The following TRA2A variants were observed in gnomAD, a reference collection of about 807,000 sequenced individuals.
TRA2A encodes transformer 2 alpha homolog.
Under a neutral mutation model 45.7 loss-of-function variants are expected in TRA2A, and 31 were observed. That is an observed-to-expected ratio of 0.68 (90% CI 0.51 to 0.92). The LOEUF (loss-of-function observed/expected upper bound fraction) is 0.92, where lower values mean the gene tolerates loss of function less well. Among genes scored for constraint, TRA2A ranks in the 40% least tolerant of loss-of-function variants. The pLI is 0.00. For missense variants in TRA2A, 304 were observed against 367.5 expected, an observed-to-expected ratio of 0.83 and a Z score of 1.41; for synonymous variants, 132 against 126.2, an observed-to-expected ratio of 1.05 and a Z score of -0.31.
At chr7:23,513,817 A>G (rs1036260411) in intron 3 of TRA2A, among the ~76,000 whole-genome samples, 1 of 152,112 alleles carries the variant, frequency 6.6e-6, no homozygotes, top group African/African-American at 2.4e-5. Flanking sequence ...GGGACTTCAC[A>G]TTCTGATTTG....
intron 4 of TRA2A, among the ~76,000 whole-genome samples, 173 bp downstream of exon 4, chr7:23,512,721 G>C (rs1242651979): frequency 6.6e-6 from 1 of 150,646 alleles, no homozygotes; most frequent in Non-Finnish European, 1.5e-5. Context: ...GCCTCCCAAA[G>C]TGCTGGGATT....
chr7:23,526,101 T>G (rs1341766332), intron 1 of TRA2A, among the ~76,000 whole-genome samples: 1 of 152,204 alleles, frequency 6.6e-6, no homozygotes. Context: ...TGTACTATTC[T>G]TTTAATCAGG....
chr7:23,505,164 TAA>T lies in TRA2A; in HGVS notation c.*393_*394del, dbSNP rs908839267. 1.3e-4 allele frequency: 20 copies of T among 159,980 alleles called. No homozygotes were observed. Among genetic ancestry groups the T allele is most frequent in the South Asian group, 2.2e-4 (1 of 4,628 alleles). 9.9% of individuals were successfully genotyped at this position (159,980 alleles called of 1,614,324 possible). Reference sequence around the variant, plus strand: ...TGTGTTACTTTCCCAAAAATAAAGTTAAAAAAAAAAAGGAACTCATGATAAAT... The same window carrying T: ...TGTGTTACTTTCCCAAAAATAAAGTTAAAAAAAAAGGAACTCATGATAAAT... On this transcript the variant is annotated 3_prime_UTR_variant, in exon 8 of 8. Transcript: ENST00000297071.
chr7:23,517,477 C>CAAAAAAAAAAAAAAAAAAAAAA (rs70954385), intron 2 of TRA2A, among the ~76,000 whole-genome samples: 4 of 13,932 alleles, frequency 2.9e-4, no homozygotes, highest in Non-Finnish European at 5.4e-4. Flanking sequence ...GACTACGTCT[C>CAAAAAAAAAAAAAAAAAAAAAA]AAAAAAAAAA....
In TRA2A at chr7:23,505,270, TTATC is replaced by T. The variant is rs1241351519; in HGVS notation, c.*285_*288del. The T allele has an allele frequency of 4.8e-5, 16 of 336,120 alleles. No individual in the cohort carries two copies. The highest frequency in any genetic ancestry group is 1.4e-4 in the South Asian group (1 of 7,270). 20.8% of individuals were successfully genotyped at this position (336,120 alleles called of 1,614,324 possible). A position where few individuals can be genotyped will look rare whatever the true frequency, so the allele number is the denominator to read the frequency against. ...TTTCCTTATTTGATTAGCTAGAAGT[TTATC>T]TAGGTAAAAGCAAAAAAAAAAATTT... On this transcript the variant is annotated 3_prime_UTR_variant, in exon 8 of 8. Coordinates refer to ENST00000297071, the MANE Select transcript of TRA2A (RefSeq NM_013293.5).
In TRA2A at chr7:23,512,993, A is replaced by T; in HGVS notation, c.426T>A (p.Tyr142Ter). The T allele has an allele frequency of 6.2e-7, 1 of 1,613,970 alleles. No homozygotes were observed. Among genetic ancestry groups the T allele is most frequent in the Non-Finnish European group, 8.5e-7 (1 of 1,179,852 alleles). ...ERDLREVFSR[Y>*]GPLSGVNVVY... is the part of the protein sequence containing the mutation. ...CCACATTGACACCACTCAATGGTCC[A>T]TATCGAGAAAATACTTCACGAAGAT... Residue 142 changes from tyrosine to a stop codon, truncating the protein, a stop_gained, in exon 4 of 8, where the codon TAT (tyrosine) becomes TAA (stop). Transcript: ENST00000297071. LOFTEE classifies it high-confidence loss of function.
chr7:23,524,356 G>C (rs1374281216), intron 1 of TRA2A, among the ~76,000 whole-genome samples: 1 of 151,972 alleles, frequency 6.6e-6, no homozygotes, highest in South Asian at 2.1e-4. Flanking sequence ...GCTAATTTTT[G>C]TATTTTTAAT....
At chr7:23,516,197 A>C (rs1789862504) in intron 3 of TRA2A, among the ~76,000 whole-genome samples, 166 bp downstream of exon 3, 1 of 152,212 alleles carries the variant, frequency 6.6e-6, no homozygotes, top group South Asian at 2.1e-4. Flanking sequence ...TAAGCTTACG[A>C]AAGATGGTGG....
chr7:23,516,319 T>A (rs752670487), intron 3 of TRA2A, 44 bp downstream of exon 3: 23 of 1,606,890 alleles, frequency 1.4e-5, no homozygotes, highest in Non-Finnish European at 1.8e-5. Context: ...ACTAAACACA[T>A]AAAAGAGAAA....
chr7:23,531,253 C>T (rs1401768216), intron 1 of TRA2A: 15 of 987,326 alleles, frequency 1.5e-5, no homozygotes, highest in Non-Finnish European at 1.8e-5. Context: ...CCGGTTCCAA[C>T]AGAGACGCGG....
intron 3 of TRA2A, among the ~76,000 whole-genome samples, chr7:23,515,717 T>C (rs1562792660): frequency 6.6e-6 from 1 of 151,696 alleles, no homozygotes; most frequent in Admixed American, 6.6e-5. Context: ...GGCTAATTTT[T>C]GTATTTTTAG....
At chr7:23,512,051 A>G (rs1789648273) in intron 4 of TRA2A, among the ~76,000 whole-genome samples, 1 of 152,224 alleles carries the variant, frequency 6.6e-6, no homozygotes, top group South Asian at 2.1e-4. Context: ...TTACACATAT[A>G]CTTTTTCCAT....
In TRA2A at chr7:23,504,999, TTTTTAAG is replaced by T. The variant is rs1789248436; in HGVS notation, c.*553_*559del. ...AACAACAAAAAAAATCACACTTTAG[TTTTTAAG>T]TTTTAACAGATGTATTTCAAATACA... On this transcript the variant is annotated 3_prime_UTR_variant, in exon 8 of 8. Coordinates refer to ENST00000297071, the MANE Select transcript of TRA2A (RefSeq NM_013293.5). 1 of 152,528 alleles carries T rather than the reference TTTTTAAG, an allele frequency of 6.6e-6. No individual in the cohort carries two copies. The highest frequency in any genetic ancestry group is 1.5e-5 in the Non-Finnish European group (1 of 68,030). 9.4% of individuals were successfully genotyped at this position (152,528 alleles called of 1,614,324 possible). A position where few individuals can be genotyped will look rare whatever the true frequency, so the allele number is the denominator to read the frequency against.
intron 1 of TRA2A, among the ~76,000 whole-genome samples, chr7:23,529,388 G>T (rs1027581374): frequency 6.6e-6 from 1 of 152,106 alleles, no homozygotes; most frequent in Non-Finnish European, 1.5e-5. Context: ...AGCCTCCTAA[G>T]TAGCTGTGAT....
At chr7:23,527,187 T>A (rs562407213) in intron 1 of TRA2A, among the ~76,000 whole-genome samples, 69 of 152,304 alleles carry the variant, frequency 4.5e-4, no homozygotes, top group African/African-American at 1.6e-3. Flanking sequence ...GGTCCTGGTT[T>A]CAAGGAAAGA....
intron 2 of TRA2A, among the ~76,000 whole-genome samples, chr7:23,519,932 A>G (rs1418724887): frequency 6.6e-6 from 1 of 152,240 alleles, no homozygotes; most frequent in African/African-American, 2.4e-5. Context: ...AAAGTGAGAC[A>G]ATAAAATTCT....
At chr7:23,531,677 C>G in intron 1 of TRA2A, 112 bp downstream of exon 1, 2 of 1,173,342 alleles carry the variant, frequency 1.7e-6, no homozygotes, top group South Asian at 1.3e-5. Context: ...CGCGATGGCT[C>G]CAGAGGTTGC....
chr7:23,509,333 A>C (rs1027617465), intron 4 of TRA2A, among the ~76,000 whole-genome samples: 1 of 152,194 alleles, frequency 6.6e-6, no homozygotes, highest in Non-Finnish European at 1.5e-5. Flanking sequence ...TGAGGAGCTT[A>C]TATTATTATC....
intron 1 of TRA2A, among the ~76,000 whole-genome samples, chr7:23,523,652 A>C (rs1433243178): frequency 6.6e-6 from 1 of 152,222 alleles, no homozygotes; most frequent in African/African-American, 2.4e-5. Context: ...CTTTCAGCTC[A>C]ATACCAACCT....
Sources: gnomAD v4.1 joint callset for allele counts (sites outside exome capture counted in the v4.1 genomes callset) on GRCh38, gnomAD v4.1.1 for gene constraint, MANE v1.5 for transcripts, NCBI Gene and HGNC (gene_info 2026-07-23, HGNC 2026-07-21) for gene names.